The following ZNF324B variants were observed in gnomAD, a reference collection of about 807,000 sequenced individuals.
ZNF324B encodes zinc finger protein 324B.
Under a neutral mutation model 10.6 loss-of-function variants are expected in ZNF324B, and 7 were observed. The observed-to-expected ratio is 0.66, with a 90% confidence interval of 0.38 to 1.24. The LOEUF (loss-of-function observed/expected upper bound fraction) is 1.24. ZNF324B is among the 50% of genes most tolerant of loss of function. ZNF324B has a pLI of 0.02. For synonymous variants in ZNF324B, 316 were observed against 321.0 expected, an observed-to-expected ratio of 0.98 and a Z score of 0.17; for missense variants, 640 against 764.7, an observed-to-expected ratio of 0.84 and a Z score of 1.92.
chr19:58,427,493 CCTTTCTTT>C, the ZNF324B span, among the ~76,000 whole-genome samples: 7 of 105,254 alleles, frequency 6.7e-5, no homozygotes, highest in South Asian at 2.8e-4. Flanking sequence ...TTCCTTCCTT[CCTTTCTTT>C]CTTTTTCTTT....
At chr19:58,451,839 TTGGGCATTC>T (rs2122338830) in intron 1 of ZNF324B, 135 bp downstream of exon 1, 1 of 279,596 alleles carries the variant, frequency 3.6e-6, no homozygotes, top group African/African-American at 2.4e-5. Flanking sequence ...AGGCAGCGCA[TTGGGCATTC>T]TGCGCCCATG....
chr19:58,440,150 C>G, the ZNF324B span: 1 of 379,090 alleles, frequency 2.6e-6, no homozygotes. Flanking sequence ...ATGAGGACCG[C>G]AATGGCGGCG....
At chr19:58,443,612 A>T in the ZNF324B span, 1 of 152,058 alleles carries the variant, frequency 6.6e-6, no homozygotes, top group East Asian at 1.9e-4. Flanking sequence ...AAGTCTCAAA[A>T]CCTGTGTAGC....
chr19:58,448,865 G>A, upstream of ZNF324B, among the ~76,000 whole-genome samples: 1 of 152,206 alleles, frequency 6.6e-6, no homozygotes, highest in Non-Finnish European at 1.5e-5. Context: ...AAAATTTGCA[G>A]CCTGACCATG....
intron 1 of ZNF324B, chr19:58,453,186 G>C (rs950641853): frequency 6.3e-6 from 1 of 159,164 alleles, no homozygotes; most frequent in Non-Finnish European, 1.4e-5. Flanking sequence ...TGTGTTCACA[G>C]GTTCTTGGGG....
the ZNF324B span, chr19:58,434,447 T>C: frequency 6.2e-7 from 1 of 1,614,248 alleles, no homozygotes; most frequent in Non-Finnish European, 8.5e-7. Context: ...TGAACAAATG[T>C]GAGTTTGTGG....
the ZNF324B span, among the ~76,000 whole-genome samples, chr19:58,427,387 T>TTTCCTTCCTTCC: frequency 1.0e-4 from 5 of 49,830 alleles, no homozygotes; most frequent in East Asian, 7.6e-4. Flanking sequence ...TCTTTCTTTC[T>TTTCCTTCCTTCC]TTCTTTCTTT....
chr19:58,447,848 C>T (rs550532424), upstream of ZNF324B, among the ~76,000 whole-genome samples: 55 of 152,278 alleles, frequency 3.6e-4, no homozygotes, highest in Middle Eastern at 3.4e-3. Context: ...GGCAGTTTCC[C>T]CACACTGTTC....
chr19:58,422,254 G>A, the ZNF324B span, among the ~76,000 whole-genome samples: 1 of 152,086 alleles, frequency 6.6e-6, no homozygotes, highest in African/African-American at 2.4e-5. Context: ...ACTAGGCGTA[G>A]AAGGAACATA....
the ZNF324B span, among the ~76,000 whole-genome samples, chr19:58,437,946 C>G: frequency 6.6e-6 from 1 of 152,128 alleles, no homozygotes; most frequent in African/African-American, 2.4e-5. Flanking sequence ...CATAGCTGTC[C>G]TTGCTCTTCC....
chr19:58,427,370 CT>C, the ZNF324B span, among the ~76,000 whole-genome samples: 1 of 41,508 alleles, frequency 2.4e-5, no homozygotes, highest in African/African-American at 8.5e-5. Context: ...TTCTTTCTTT[CT>C]TTCTTTCTTT....
chr19:58,454,157 G>T, intron 2 of ZNF324B, 71 bp from the exon 3 acceptor site: 2 of 999,584 alleles, frequency 2.0e-6, no homozygotes, highest in South Asian at 2.6e-5. Flanking sequence ...ATGAAGCCCT[G>T]ACTCCTGCTC....
chr19:58,435,091 A>G, the ZNF324B span: 13 of 1,613,890 alleles, frequency 8.1e-6, no homozygotes, highest in African/African-American at 9.3e-5. Flanking sequence ...TGGCCCACAC[A>G]TGTCACAGGA....
At chr19:58,428,286 G>C in the ZNF324B span, among the ~76,000 whole-genome samples, 15 of 152,188 alleles carry the variant, frequency 9.9e-5, no homozygotes, top group African/African-American at 3.6e-4. Flanking sequence ...AATATCTAAA[G>C]CCAACCTATA....
chr19:58,454,928 T>C (rs1240459062), intron 3 of ZNF324B: 1 of 630,608 alleles, frequency 1.6e-6, no homozygotes, highest in Admixed American at 2.4e-5. Flanking sequence ...CAGCTGCTGT[T>C]TTCCTCAGCT....
the ZNF324B span, among the ~76,000 whole-genome samples, chr19:58,439,538 C>T: frequency 6.6e-6 from 1 of 152,252 alleles, no homozygotes; most frequent in South Asian, 2.1e-4. Context: ...CCTTCCAGAT[C>T]TCATTCCACA....
the ZNF324B span, chr19:58,442,148 G>GAGTGTTAC: frequency 1.5e-4 from 22 of 142,264 alleles, no homozygotes; most frequent in African/African-American, 5.7e-4. Flanking sequence ...CCCTCGTGTT[G>GAGTGTTAC]AGTGTTACAG....
rs1188075350 is a variant in ZNF324B at position 58,453,838 on chromosome 19, C to A, written c.121+16C>A. 1 of 1,609,060 alleles carries A rather than the reference C, an allele frequency of 6.2e-7. No individual in the cohort carries two copies. Among genetic ancestry groups the A allele is most frequent in the Admixed American group, 1.7e-5 (1 of 59,502 alleles). On this transcript the variant is annotated intron_variant, in intron 2 of 3. Coordinates refer to ENST00000336614, the MANE Select transcript of ZNF324B (RefSeq NM_207395.3). ...ACCTCACTTGGTAAGGCCCTGGGTG[C>A]TCCATGAAAAGTGCACTTGGTGACA...
chr19:58,425,361 G>T, the ZNF324B span, among the ~76,000 whole-genome samples: 1 of 151,984 alleles, frequency 6.6e-6, no homozygotes, highest in East Asian at 1.9e-4. Flanking sequence ...TGGGATTACA[G>T]GCGTGAGCCA....
Sources: gnomAD v4.1 joint callset for allele counts (sites outside exome capture counted in the v4.1 genomes callset) on GRCh38, gnomAD v4.1.1 for gene constraint, MANE v1.5 for transcripts, NCBI Gene and HGNC (gene_info 2026-07-23, HGNC 2026-07-21) for gene names.